The following ZNF469 variants were observed in gnomAD, a reference collection of about 807,000 sequenced individuals.
ZNF469 encodes the protein zinc finger protein 469.
A neutral mutation model predicts 1.0 loss-of-function variants in ZNF469; 1 was observed. That is an observed-to-expected ratio of 1.00 (90% CI 0.35 to 4.73). ZNF469 has a LOEUF of 4.73. ZNF469 is among the 30% of genes most tolerant of loss of function. The pLI, the probability that ZNF469 is intolerant of heterozygous loss-of-function variation, is 0.16. For missense variants in ZNF469, 6,100 were observed against 5,356.3 expected (o/e 1.14, Z -4.33); for synonymous variants, 2,703 against 2,363.4 (o/e 1.14, Z -4.17).
At chr16:88,164,024 A>AATGG in the ZNF469 span, among the ~76,000 whole-genome samples, 1 of 139,878 alleles carries the variant, frequency 7.1e-6, no homozygotes, top group East Asian at 2.2e-4. Context: ...TAGATGGATG[A>AATGG]ATGGATGGAT....
intron 1 of ZNF469, among the ~76,000 whole-genome samples, chr16:88,407,442 G>A (rs1328554497): frequency 2.0e-5 from 3 of 152,246 alleles, no homozygotes; most frequent in Non-Finnish European, 4.4e-5. Context: ...TCTATAGCGT[G>A]GCCGATGACG....
intron 1 of ZNF469, among the ~76,000 whole-genome samples, chr16:88,420,957 G>T (rs1052201191): frequency 6.6e-6 from 1 of 152,012 alleles, no homozygotes; most frequent in Non-Finnish European, 1.5e-5. Flanking sequence ...GAAGGGAAAC[G>T]GGAGGGGCAA....
chr16:88,219,861 G>A, the ZNF469 span, among the ~76,000 whole-genome samples: 3 of 152,128 alleles, frequency 2.0e-5, no homozygotes, highest in African/African-American at 7.2e-5. Context: ...CCCAGAAGTG[G>A]CCCTCCGTGG....
the ZNF469 span, among the ~76,000 whole-genome samples, chr16:88,377,146 C>T: frequency 5.2e-5 from 8 of 152,390 alleles, no homozygotes; most frequent in Admixed American, 3.9e-4. Flanking sequence ...GCACACCAGG[C>T]AGGCCACAGG....
chr16:88,197,624 T>C, the ZNF469 span, among the ~76,000 whole-genome samples: 2 of 152,140 alleles, frequency 1.3e-5, no homozygotes, highest in Non-Finnish European at 1.5e-5. Context: ...ACACTTACCC[T>C]CCCCATGGTT....
the ZNF469 span, among the ~76,000 whole-genome samples, chr16:88,142,967 A>G: frequency 6.6e-6 from 1 of 152,210 alleles, no homozygotes; most frequent in African/African-American, 2.4e-5. Flanking sequence ...AGTCTCAGGA[A>G]TAAAGACAAG....
the ZNF469 span, among the ~76,000 whole-genome samples, chr16:88,238,323 C>A: frequency 2.1e-3 from 321 of 152,282 alleles, 2 homozygotes; most frequent in African/African-American, 7.1e-3. Context: ...GGTGGAGAGC[C>A]GCACAAGTGA....
the ZNF469 span, among the ~76,000 whole-genome samples, chr16:88,286,028 C>T: frequency 6.6e-6 from 1 of 152,264 alleles, no homozygotes; most frequent in African/African-American, 2.4e-5. Flanking sequence ...TCAGAACCAC[C>T]CACCTGTGTT....
chr16:88,208,779 G>GCACA, the ZNF469 span, among the ~76,000 whole-genome samples: 49 of 133,804 alleles, frequency 3.7e-4, no homozygotes, highest in African/African-American at 1.3e-3. Flanking sequence ...GCGTGCGCGC[G>GCACA]CACACACACA....
At chr16:88,130,562 T>C in the ZNF469 span, among the ~76,000 whole-genome samples, 6 of 151,684 alleles carry the variant, frequency 4.0e-5, no homozygotes, top group Admixed American at 6.6e-5. Flanking sequence ...AAAAATTAGC[T>C]GGGCGTGGTG....
At chr16:88,123,821 G>C in the ZNF469 span, among the ~76,000 whole-genome samples, 1 of 152,012 alleles carries the variant, frequency 6.6e-6, no homozygotes, top group Non-Finnish European at 1.5e-5. Context: ...TTTAAATTTT[G>C]AGATGGAGTT....
At chr16:88,205,729 C>T in the ZNF469 span, among the ~76,000 whole-genome samples, 26 of 152,258 alleles carry the variant, frequency 1.7e-4, no homozygotes, top group Non-Finnish European at 2.8e-4. The surrounding 1 kb of genome is among the most constrained non-coding windows in gnomAD (Gnocchi z 4.2). Context: ...GTGTCAGAGA[C>T]GCGCGATCAT....
At chr16:88,246,136 T>C in the ZNF469 span, among the ~76,000 whole-genome samples, 1 of 152,284 alleles carries the variant, frequency 6.6e-6, no homozygotes, top group Non-Finnish European at 1.5e-5. Context: ...CTCCCCATGA[T>C]GTTCTGAGAG....
At chr16:88,240,534 C>T in the ZNF469 span, among the ~76,000 whole-genome samples, 2 of 152,222 alleles carry the variant, frequency 1.3e-5, no homozygotes, top group East Asian at 3.9e-4. Flanking sequence ...AGGGAATGCA[C>T]TAATATGCAG....
chr16:88,217,537 C>T, the ZNF469 span, among the ~76,000 whole-genome samples: 1 of 146,094 alleles, frequency 6.8e-6, no homozygotes, highest in East Asian at 2.0e-4. Context: ...GTGTGCTGCA[C>T]CCACTAACTC....
rs145296206 is a variant in ZNF469 at position 88,392,406 on chromosome 16, A to G, written c.-192+9152A>G. 1.8e-3 allele frequency among the ~76,000 whole-genome samples: 272 copies of G among 152,342 alleles called. 1 individual carries two copies. The highest frequency in any genetic ancestry group is 0.013 in the South Asian group (62 of 4,830). On this transcript the variant is annotated intron_variant, in intron 1 of 2. Coordinates refer to ENST00000565624, the MANE Select transcript of ZNF469 (RefSeq NM_001367624.2). ...CCCCAGCCCAGCCTTCTCACGCCTG[A>G]CAGCCTTCTCTGTTTTCTCCGGGAA... is the stretch of plus-strand genomic sequence containing the variant.
At chr16:88,146,510 C>T in the ZNF469 span, among the ~76,000 whole-genome samples, 3 of 152,086 alleles carry the variant, frequency 2.0e-5, no homozygotes, top group Non-Finnish European at 4.4e-5. Context: ...GTGGCACCCT[C>T]CCCCCAGTCT....
chr16:88,131,093 T>C, the ZNF469 span, among the ~76,000 whole-genome samples: 1 of 152,228 alleles, frequency 6.6e-6, no homozygotes, highest in Non-Finnish European at 1.5e-5. Context: ...AACACAAATT[T>C]GCATCATGTT....
chr16:88,310,556 T>C, the ZNF469 span, among the ~76,000 whole-genome samples: 2 of 146,158 alleles, frequency 1.4e-5, no homozygotes, highest in South Asian at 2.1e-4. Flanking sequence ...ACCTTGTCCT[T>C]CATTTTATTT....
Sources: gnomAD v4.1 joint callset for allele counts (sites outside exome capture counted in the v4.1 genomes callset) on GRCh38, gnomAD v4.1.1 for gene constraint, Gnocchi (gnomAD v3.1) non-coding constraint, MANE v1.5 for transcripts, NCBI Gene and HGNC (gene_info 2026-07-23, HGNC 2026-07-21) for gene names.